The following HS3ST4 variants were observed in gnomAD, a reference collection of about 807,000 sequenced individuals.
The protein encoded by HS3ST4 is heparan sulfate-glucosamine 3-sulfotransferase 4.
In HS3ST4, 17 loss-of-function variants were observed where a neutral mutation model predicts 29.2. That is an observed-to-expected ratio of 0.58 (90% CI 0.40 to 0.87). HS3ST4 has a LOEUF of 0.87. Ranked by LOEUF, HS3ST4 falls within the 40% of genes least tolerant of loss-of-function variation. HS3ST4 has a pLI of 0.00. For synonymous variants in HS3ST4, 314 were observed against 285.7 expected (o/e 1.10, Z -1.00); for missense variants, 627 against 634.5 (o/e 0.99, Z 0.13).
At chr16:25,703,177 A>C (rs1055057037) in intron 1 of HS3ST4, among the ~76,000 whole-genome samples, 1 of 152,074 alleles carries the variant, frequency 6.6e-6, no homozygotes, top group African/African-American at 2.4e-5. Context: ...AAACAAACAA[A>C]AAAAAAGAGT....
Position 25,880,817 on chromosome 16 carries a change from T to C in HS3ST4, c.734+187666T>C, listed in dbSNP as rs143585536. Among the ~76,000 whole-genome samples the C allele has an allele frequency of 7.5e-4, 115 of 152,364 alleles. 1 individual carries two copies. The highest frequency in any genetic ancestry group is 7.5e-3 in the East Asian group (39 of 5,192). On this transcript the variant is annotated intron_variant, in intron 1 of 1. Transcript: ENST00000331351. ...ATCCTAATACAGAGGATTTGCTTGC[T>C]TGTATGTCTTTTAAATAAAGAGTAT...
At chr16:25,896,415 C>T (rs1006725886) in intron 1 of HS3ST4, among the ~76,000 whole-genome samples, 8 of 152,120 alleles carry the variant, frequency 5.3e-5, no homozygotes, top group Non-Finnish European at 8.8e-5. Context: ...CATTATAAAT[C>T]ATCAGAGAAA....
intron 1 of HS3ST4, among the ~76,000 whole-genome samples, chr16:26,066,798 C>A (rs566010756): frequency 6.6e-6 from 1 of 152,234 alleles, no homozygotes; most frequent in African/African-American, 2.4e-5. Context: ...GAGCCTCACT[C>A]TACATTCTTT....
chr16:25,735,648 C>T (rs1241944046), intron 1 of HS3ST4, among the ~76,000 whole-genome samples: 1 of 152,274 alleles, frequency 6.6e-6, no homozygotes, highest in Admixed American at 6.5e-5. Context: ...GCCGTGGCCT[C>T]CCTAAGTGCT....
In HS3ST4 at chr16:25,704,961, A is replaced by G. The variant is rs532862134; in HGVS notation, c.734+11810A>G. On this transcript the variant is annotated intron_variant, in intron 1 of 1. Coordinates refer to ENST00000331351, the MANE Select transcript of HS3ST4 (RefSeq NM_006040.3). ...AGTCTCAAACTCCTGCACTCAAGTA[A>G]TCCTACAGCTGAGGCTTGCCGAGGT... 5.3e-5 allele frequency among the ~76,000 whole-genome samples: 8 copies of G among 151,920 alleles called. No individual in the cohort carries two copies. In the East Asian group the frequency reaches 1.4e-3, roughly 26 times the overall value.
At chr16:25,882,650 G>A (rs1009007796) in intron 1 of HS3ST4, among the ~76,000 whole-genome samples, 1 of 152,074 alleles carries the variant, frequency 6.6e-6, no homozygotes, top group Admixed American at 6.6e-5. Context: ...GATTTTTCGA[G>A]CCACTGTTCC....
chr16:26,126,557 C>T (rs78030141), intron 1 of HS3ST4, among the ~76,000 whole-genome samples: 1,984 of 152,330 alleles, frequency 0.013, 34 homozygotes, highest in African/African-American at 0.044. Context: ...AGCCCCACCT[C>T]TAATGAAGGG....
Position 26,027,417 on chromosome 16 carries a change from G to A in HS3ST4, c.735-108195G>A, listed in dbSNP as rs1177709311. On this transcript the variant is annotated intron_variant, in intron 1 of 1. Coordinates refer to ENST00000331351, the MANE Select transcript of HS3ST4 (RefSeq NM_006040.3). ...TAAGAAGCCTTCCTTGACTCCCCCA[G>A]CCCGAGTTCCTATCTCCATATTCTC... is the stretch of plus-strand genomic sequence containing the variant. Among the ~76,000 whole-genome samples the A allele has an allele frequency of 2.6e-5, 4 of 152,114 alleles. No homozygotes were observed. In the East Asian group the frequency reaches 7.7e-4, roughly 29 times the overall value.
At chr16:26,045,619 A>G (rs774830428) in intron 1 of HS3ST4, among the ~76,000 whole-genome samples, 1 of 152,092 alleles carries the variant, frequency 6.6e-6, no homozygotes, top group South Asian at 2.1e-4. Context: ...TAATGTGGGC[A>G]CCGTGTCTAT....
chr16:25,834,472 A>G lies in HS3ST4; in HGVS notation c.734+141321A>G, dbSNP rs144441839. Among the ~76,000 whole-genome samples, 386 of 152,346 alleles carry G rather than the reference A, an allele frequency of 2.5e-3. 3 individuals are homozygous for G. The highest frequency in any genetic ancestry group is 8.7e-3 in the African/African-American group (362 of 41,582). ...CCAATGAATTGTGATATATTCTTACAATGAACAGGACTACACGCTGCCATG... is the reference window on the plus strand; with the variant it reads ...CCAATGAATTGTGATATATTCTTACGATGAACAGGACTACACGCTGCCATG... On this transcript the variant is annotated intron_variant, in intron 1 of 1. Coordinates refer to ENST00000331351, the MANE Select transcript of HS3ST4 (RefSeq NM_006040.3).
At chr16:25,868,403 C>G (rs1423221473) in intron 1 of HS3ST4, among the ~76,000 whole-genome samples, 2 of 152,170 alleles carry the variant, frequency 1.3e-5, no homozygotes, top group Non-Finnish European at 2.9e-5. Context: ...CCCCTTCCCT[C>G]TGTAGGAGTC....
At chr16:25,841,801 G>C (rs1173883139) in intron 1 of HS3ST4, among the ~76,000 whole-genome samples, 1 of 152,092 alleles carries the variant, frequency 6.6e-6, no homozygotes, top group African/African-American at 2.4e-5. Context: ...GGAGACTATT[G>C]CTTCAATATG....
At chr16:26,066,844 C>A (rs900928880) in intron 1 of HS3ST4, among the ~76,000 whole-genome samples, 2 of 152,200 alleles carry the variant, frequency 1.3e-5, no homozygotes, top group Admixed American at 1.3e-4. Context: ...TTGCAGTATG[C>A]AATGCTCAGG....
intron 1 of HS3ST4, among the ~76,000 whole-genome samples, chr16:25,916,881 G>A (rs563847789): frequency 1.3e-5 from 2 of 151,762 alleles, no homozygotes; most frequent in East Asian, 2.0e-4. Flanking sequence ...GGGTTTCACC[G>A]TGTTAGCCAG....
At chr16:25,707,388 A>G (rs1415588487) in intron 1 of HS3ST4, among the ~76,000 whole-genome samples, 1 of 152,174 alleles carries the variant, frequency 6.6e-6, no homozygotes, top group Non-Finnish European at 1.5e-5. Flanking sequence ...ACTGTACCTA[A>G]TTTATAAATT....
intron 1 of HS3ST4, among the ~76,000 whole-genome samples, chr16:26,113,898 A>G (rs1372147282): frequency 1.3e-5 from 2 of 152,082 alleles, no homozygotes; most frequent in African/African-American, 4.8e-5. Flanking sequence ...ATGTTCATGT[A>G]TGTATATATG....
intron 1 of HS3ST4, among the ~76,000 whole-genome samples, chr16:26,087,427 TCCTAATGGAA>T (rs1162239591): frequency 2.0e-5 from 3 of 152,180 alleles, no homozygotes; most frequent in African/African-American, 4.8e-5. Context: ...AGCCAAGGCC[TCCTAATGGAA>T]CCTAATGGAA....
chr16:25,993,949 C>CGTGTGTGTGTGTGTGTGT (rs56226178), intron 1 of HS3ST4, among the ~76,000 whole-genome samples: 13 of 121,248 alleles, frequency 1.1e-4, no homozygotes, highest in Admixed American at 2.5e-4. Flanking sequence ...CACATAACCT[C>CGTGTGTGTGTGTGTGTGT]GTGTGTGTGT....
At chr16:26,129,372 C>G (rs1186656738) in intron 1 of HS3ST4, among the ~76,000 whole-genome samples, 1 of 152,200 alleles carries the variant, frequency 6.6e-6, no homozygotes, top group Non-Finnish European at 1.5e-5. Flanking sequence ...CAGGCAGTAG[C>G]CAAGAGCTTG....
Sources: allele counts gnomAD v4.1 joint callset (sites outside exome capture counted in the v4.1 genomes callset), GRCh38; gene constraint gnomAD v4.1.1; transcripts MANE v1.5; gene names NCBI Gene and HGNC (gene_info 2026-07-23, HGNC 2026-07-21).